CLIC5: variants seen among roughly 807,000 people sequenced by gnomAD.
The protein encoded by CLIC5 is CLIC family member 5, also known as chloride intracellular channel protein 5.
In CLIC5, 20 loss-of-function variants were observed where a neutral mutation model predicts 24.7. That is an observed-to-expected ratio of 0.81 (90% confidence interval 0.57 to 1.18). The LOEUF is 1.18. CLIC5 is among the 50% of genes most tolerant of loss of function. The probability of loss-of-function intolerance (pLI) is 0.00; values close to 1 mark genes in which losing one functional copy is unlikely to be tolerated. For synonymous variants in CLIC5, 159 were observed against 135.6 expected, an observed-to-expected ratio of 1.17 and a Z score of -1.20; for missense variants, 341 against 326.1, an observed-to-expected ratio of 1.05 and a Z score of -0.35.
chr6:45,949,178 C>T lies in CLIC5; in HGVS notation c.299+78G>A, dbSNP rs186120150. On this transcript the variant is annotated intron_variant, in intron 3 of 5. Transcript: ENST00000339561. ...AGGTTCCTTTGGAAATGCATCTGCC[C>T]GAAGTTAACACCAGGACTTTATAGA... The T allele has an allele frequency of 3.5e-4, 536 of 1,514,928 alleles. 1 individual carries two copies. Among genetic ancestry groups the T allele is most frequent in the African/African-American group, 2.9e-3 (206 of 72,030 alleles). The allele number at this position is 1,514,928 out of a possible 1,614,324, so 93.8% of individuals were successfully genotyped here.
At chr6:45,987,759 C>T (rs1765793452) in intron 1 of CLIC5, among the ~76,000 whole-genome samples, 2 of 152,264 alleles carry the variant, frequency 1.3e-5, no homozygotes, top group Non-Finnish European at 2.9e-5. Flanking sequence ...GAGAATATCT[C>T]TCTTCCTCTT....
the CLIC5 span, among the ~76,000 whole-genome samples, chr6:46,107,983 G>C: frequency 5.5e-5 from 7 of 128,026 alleles, no homozygotes; most frequent in Non-Finnish European, 1.1e-4. Context: ...GCAGTGAACA[G>C]AGATCACGCC....
At chr6:45,882,149 T>C (rs1762269062) in intron 6 of CLIC5, among the ~76,000 whole-genome samples, 1 of 152,188 alleles carries the variant, frequency 6.6e-6, no homozygotes, top group South Asian at 2.1e-4. Flanking sequence ...AGAAAATGCT[T>C]TTACCAGAGA....
At chr6:45,885,001 G>A (rs1261337367) in intron 6 of CLIC5, among the ~76,000 whole-genome samples, 10 of 63,062 alleles carry the variant, frequency 1.6e-4, no homozygotes, top group African/African-American at 7.2e-4. Context: ...TTTCATCAAG[G>A]GCCAAAAAAA....
rs1264289099 is a variant in CLIC5 at position 46,036,311 on chromosome 6, T to TG, written c.540+43391_540+43392insC. ...CCCCACCTAGACTGCAAGGTCTTTTTTTTTTTTTTTTTTTTTGAGACGGAG... is the reference window on the plus strand; with the variant it reads ...CCCCACCTAGACTGCAAGGTCTTTTTGTTTTTTTTTTTTTTTTGAGACGGAG... On this transcript the variant is annotated intron_variant, in intron 1 of 5. Transcript: ENST00000185206. Among the ~76,000 whole-genome samples, 30 of 139,630 alleles carry TG rather than the reference T, an allele frequency of 2.1e-4. No individual in the cohort carries two copies. The South Asian group carries it at 2.2e-3, about 10-fold the overall frequency. The allele number at this position is 139,630 out of a possible 152,430, so 91.6% of individuals were successfully genotyped here.
At chr6:46,018,213 C>T (rs1306893849), upstream of CLIC5, among the ~76,000 whole-genome samples, 1 of 152,152 alleles carries the variant, frequency 6.6e-6, no homozygotes, top group African/African-American at 2.4e-5. Context: ...CATAAAATGT[C>T]TTCGAGGGTT....
intron 4 of CLIC5, among the ~76,000 whole-genome samples, chr6:45,921,184 G>T (rs990554331): frequency 6.6e-6 from 1 of 152,134 alleles, no homozygotes; most frequent in Admixed American, 6.5e-5. Flanking sequence ...TGATTTTCAG[G>T]TCCCTTTGTC....
chr6:46,097,269 T>G, the CLIC5 span: 1 of 152,346 alleles, frequency 6.6e-6, no homozygotes, highest in East Asian at 1.9e-4. Flanking sequence ...AGCAAATGTT[T>G]ATTGTAGAAT....
intron 1 of CLIC5, among the ~76,000 whole-genome samples, chr6:46,077,866 C>A (rs1267959112): frequency 6.6e-6 from 1 of 152,160 alleles, no homozygotes; most frequent in African/African-American, 2.4e-5. Context: ...GAAGTACCAA[C>A]ACTTCTTTTT....
chr6:46,001,824 A>C (rs1267262091), intron 1 of CLIC5, among the ~76,000 whole-genome samples: 1 of 152,200 alleles, frequency 6.6e-6, no homozygotes, highest in African/African-American at 2.4e-5. Context: ...AACAATCACA[A>C]TATATCTAAA....
At chr6:45,920,253 G>C in intron 4 of CLIC5, 1 of 984,470 alleles carries the variant, frequency 1.0e-6, no homozygotes, top group African/African-American at 1.7e-5. Flanking sequence ...GGGCAACCAT[G>C]ACCCATCACA....
the CLIC5 span, among the ~76,000 whole-genome samples, chr6:46,103,164 T>TTGCAGC: frequency 6.6e-6 from 1 of 152,204 alleles, no homozygotes; most frequent in Non-Finnish European, 1.5e-5. Flanking sequence ...CTGTAACTAG[T>TTGCAGC]TGCAGCAAAA....
chr6:46,060,051 G>A (rs188414144), intron 1 of CLIC5, among the ~76,000 whole-genome samples: 1 of 152,120 alleles, frequency 6.6e-6, no homozygotes, highest in African/African-American at 2.4e-5. Context: ...AGTTTTCCCA[G>A]CAAATATTAA....
chr6:45,958,837 A>C (rs4236089), intron 1 of CLIC5, among the ~76,000 whole-genome samples: 127,857 of 151,970 alleles, frequency 0.84, 54,398 homozygotes, highest in Non-Finnish European at 0.9. Context: ...AACTTACTTT[A>C]TATTCAGTGC....
intron 1 of CLIC5, among the ~76,000 whole-genome samples, chr6:46,042,327 A>C (rs1767829907): frequency 6.6e-6 from 1 of 152,204 alleles, no homozygotes; most frequent in Non-Finnish European, 1.5e-5. Flanking sequence ...TATGAAGTTG[A>C]AATTAATTTT....
chr6:45,913,391 T>A (rs2127308267), intron 5 of CLIC5, among the ~76,000 whole-genome samples: 1 of 152,262 alleles, frequency 6.6e-6, no homozygotes, highest in Non-Finnish European at 1.5e-5. Context: ...GCAAAGCTGT[T>A]CTCTGTTACT....
At chr6:46,107,077 C>T in the CLIC5 span, among the ~76,000 whole-genome samples, 2 of 151,994 alleles carry the variant, frequency 1.3e-5, no homozygotes, top group Non-Finnish European at 1.5e-5. Flanking sequence ...AAAAGTTTAT[C>T]AAATTTACAT....
In CLIC5 at chr6:46,015,504, G is replaced by A. The variant is rs376232343; in HGVS notation, c.39C>T (p.Asp13=). The A allele has an allele frequency of 1.3e-6, 2 of 1,569,740 alleles. No individual in the cohort carries two copies. Among genetic ancestry groups the A allele is most frequent in the Non-Finnish European group, 1.7e-6 (2 of 1,159,148 alleles). The change falls in exon 1 of 6, where the codon GAC becomes GAT. Residue 13 remains aspartate (D), a synonymous_variant. Transcript: ENST00000339561. ...CCTTCACAAAGAGCTCGATCTCGGGGTCCCTGTCGTCCCCGTTAGCTGTCG... is the reference window on the plus strand; with the variant it reads ...CCTTCACAAAGAGCTCGATCTCGGGATCCCTGTCGTCCCCGTTAGCTGTCG... ...DSATANGDDR[D]PEIELFVKAG... is the part of the protein sequence containing the mutation.
upstream of CLIC5, among the ~76,000 whole-genome samples, chr6:46,016,192 G>GAAAGGGGAAGGGGAAGAGGAAGGGA (rs1767003121): frequency 8.2e-6 from 1 of 121,302 alleles, no homozygotes; most frequent in Non-Finnish European, 1.8e-5. Flanking sequence ...AGAGGAAGGG[G>GAAAGGGGAAGGGGAAGAGGAAGGGA]AAAGGGGAAG....
Sources: allele counts gnomAD v4.1 joint callset (sites outside exome capture counted in the v4.1 genomes callset), GRCh38; gene constraint gnomAD v4.1.1; transcripts MANE v1.5; gene names NCBI Gene and HGNC (gene_info 2026-07-23, HGNC 2026-07-21).